Variants in CNMD observed in about 807,000 individuals in gnomAD.
CNMD encodes the protein chondromodulin, also known as leukocyte cell-derived chemotaxin 1.
In CNMD, 30 loss-of-function variants were observed where a neutral mutation model predicts 37.5. The ratio of observed to expected loss-of-function variants is 0.80; its 90% CI spans 0.60 to 1.09. CNMD has a LOEUF of 1.09. Ranked by LOEUF, CNMD falls within the 50% of genes least tolerant of loss-of-function variation. CNMD has a pLI of 0.00. For missense variants in CNMD, 398 were observed against 423.9 expected (o/e 0.94, Z 0.54); for synonymous variants, 167 against 148.2 (o/e 1.13, Z -0.92).
chr13:52,726,383 G>T (rs968995940), intron 3 of CNMD, among the ~76,000 whole-genome samples: 1 of 152,040 alleles, frequency 6.6e-6, no homozygotes, highest in African/African-American at 2.4e-5. Flanking sequence ...TTTATCAGTG[G>T]TTCACAAACC....
chr13:52,712,439 A>G (rs935966726), intron 5 of CNMD, among the ~76,000 whole-genome samples: 5 of 152,190 alleles, frequency 3.3e-5, no homozygotes, highest in Non-Finnish European at 7.3e-5. Context: ...AGTGGAAAGA[A>G]GTGGGAGTGT....
intron 3 of CNMD, among the ~76,000 whole-genome samples, chr13:52,728,444 C>T (rs1023925464): frequency 6.6e-6 from 1 of 152,088 alleles, no homozygotes; most frequent in African/African-American, 2.4e-5. Flanking sequence ...CCCCCAGTTT[C>T]CCATTCAGTA....
intron 4 of CNMD, among the ~76,000 whole-genome samples, chr13:52,714,354 T>G (rs1964335896): frequency 2.6e-5 from 4 of 152,118 alleles, no homozygotes. Flanking sequence ...CTAAGGGTAG[T>G]TTTCTGTTAC....
chr13:52,726,192 A>G (rs1434855442), intron 3 of CNMD, among the ~76,000 whole-genome samples: 1 of 152,186 alleles, frequency 6.6e-6, no homozygotes, highest in Non-Finnish European at 1.5e-5. Flanking sequence ...GTCCCTTCCC[A>G]GAGATTCCCA....
At chr13:52,706,449 G>A (rs1467704608) in intron 6 of CNMD, among the ~76,000 whole-genome samples, 1 of 152,168 alleles carries the variant, frequency 6.6e-6, no homozygotes, top group African/African-American at 2.4e-5. Flanking sequence ...CAAGCCCTGT[G>A]CTAAAAGAGC....
At chr13:52,719,249 C>T (rs1331842564) in intron 4 of CNMD, among the ~76,000 whole-genome samples, 2 of 152,192 alleles carry the variant, frequency 1.3e-5, no homozygotes, top group South Asian at 2.1e-4. Flanking sequence ...CTCCTGAATA[C>T]AGCACACCGA....
chr13:52,713,652 G>A (rs1312163951), intron 4 of CNMD, among the ~76,000 whole-genome samples: 2 of 152,190 alleles, frequency 1.3e-5, no homozygotes, highest in Admixed American at 6.5e-5. Flanking sequence ...AAAGTTATTG[G>A]AGGAAGCTAA....
At chr13:52,736,401 T>A (rs1964764933) in intron 2 of CNMD, among the ~76,000 whole-genome samples, 1 of 152,062 alleles carries the variant, frequency 6.6e-6, no homozygotes, top group Non-Finnish European at 1.5e-5. Flanking sequence ...AGTGCTGGGA[T>A]TACAGACGTG....
rs748528564 is a variant in CNMD at position 52,723,095 on chromosome 13, G to GTTT, written c.468+899_468+901dup. On this transcript the variant is annotated intron_variant, in intron 4 of 6. Coordinates refer to ENST00000377962, the MANE Select transcript of CNMD (RefSeq NM_007015.3). ...GTCTTTATTGTGGAGTCTCTTTCGG[G>GTTT]TTTTTTTATTTTTTGAGATAGAGTC... Among the ~76,000 whole-genome samples the GTTT allele has an allele frequency of 2.1e-3, 319 of 151,874 alleles. 1 individual carries two copies. Among genetic ancestry groups the GTTT allele is most frequent in the African/African-American group, 5.9e-3 (243 of 41,426 alleles).
At chr13:52,721,150 C>G (rs1244679988) in intron 4 of CNMD, among the ~76,000 whole-genome samples, 4 of 152,132 alleles carry the variant, frequency 2.6e-5, no homozygotes, top group East Asian at 3.9e-4. Flanking sequence ...GCCCCTCCCC[C>G]CACCAAGCTC....
At chr13:52,707,922 A>G (rs1203607104) in intron 6 of CNMD, among the ~76,000 whole-genome samples, 1 of 151,898 alleles carries the variant, frequency 6.6e-6, no homozygotes, top group Non-Finnish European at 1.5e-5. Flanking sequence ...AGCCTGCCCA[A>G]CATGGTGAAA....
intron 5 of CNMD, among the ~76,000 whole-genome samples, chr13:52,709,663 C>T (rs1017196721): frequency 6.6e-6 from 1 of 152,134 alleles, no homozygotes; most frequent in Non-Finnish European, 1.5e-5. Flanking sequence ...TGCAGCAGGG[C>T]TGATGGCTGC....
At chr13:52,710,386 T>A (rs530507793) in intron 5 of CNMD, among the ~76,000 whole-genome samples, 2 of 152,314 alleles carry the variant, frequency 1.3e-5, no homozygotes, top group East Asian at 3.9e-4. Flanking sequence ...TGGCAAAGAT[T>A]AAATGAGGAC....
At chr13:52,716,298 T>A (rs1377247599) in intron 4 of CNMD, among the ~76,000 whole-genome samples, 1 of 152,244 alleles carries the variant, frequency 6.6e-6, no homozygotes, top group Non-Finnish European at 1.5e-5. Context: ...TTCTGTAGAT[T>A]GCCTCTTCAC....
chr13:52,726,147 T>A lies in CNMD; in HGVS notation c.355-2037A>T, dbSNP rs116398637. Among the ~76,000 whole-genome samples the A allele has an allele frequency of 1.8e-3, 277 of 152,320 alleles. 2 individuals are homozygous for A. The highest frequency in any genetic ancestry group is 6.2e-3 in the African/African-American group (259 of 41,582). The stretch of plus-strand genomic sequence containing the variant: ...GGCTTGGCTCTTAACTGCACCTGAA[T>A]TCACTGTAGAGGGTTTAAGAACACA... On this transcript the variant is annotated intron_variant, in intron 3 of 6. Transcript: ENST00000377962.
chr13:52,711,711 A>C (rs1257057663), intron 5 of CNMD, among the ~76,000 whole-genome samples: 1 of 152,208 alleles, frequency 6.6e-6, no homozygotes, highest in Non-Finnish European at 1.5e-5. Flanking sequence ...ATTTTTAAAA[A>C]TTGTAAAATA....
Position 52,739,217 on chromosome 13 carries a change from C to A in CNMD, c.73-46G>T, listed in dbSNP as rs375353123. ...GGGACCGTCGCGTTTGTGCCGCCAG[C>A]ACCTGCGGCCCCCAGCGCACCCGGG... On this transcript the variant is annotated intron_variant, in intron 1 of 6. Transcript: ENST00000377962. This position sits in a 1 kb window ranked among gnomAD's most constrained non-coding sequence, Gnocchi z 5.4. 2.8e-6 allele frequency: 4 copies of A among 1,433,558 alleles called. No homozygotes were observed. In the African/African-American group the frequency reaches 6.0e-5, roughly 21 times the overall value. The allele number at this position is 1,433,558 out of a possible 1,614,324, so 88.8% of individuals were successfully genotyped here.
chr13:52,725,516 G>A (rs576380934), intron 3 of CNMD, among the ~76,000 whole-genome samples: 1 of 152,178 alleles, frequency 6.6e-6, no homozygotes, highest in Admixed American at 6.5e-5. Context: ...CAGCCACAAA[G>A]CTCCAGTCTT....
chr13:52,727,259 A>G lies in CNMD; in HGVS notation c.355-3149T>C, dbSNP rs191682090. Among the ~76,000 whole-genome samples, 534 of 152,178 alleles carry G rather than the reference A, an allele frequency of 3.5e-3. 4 individuals are homozygous for G. The highest frequency in any genetic ancestry group is 0.01 in the Middle Eastern group (3 of 294). ...ACTTCAGCCTGGGTGACAGAGCCAG[A>G]CTCCGTCTCAAATAAAAAAAAATGA... On this transcript the variant is annotated intron_variant, in intron 3 of 6. Transcript: ENST00000377962.
Sources: allele counts gnomAD v4.1 joint callset (sites outside exome capture counted in the v4.1 genomes callset), GRCh38; gene constraint gnomAD v4.1.1; non-coding constraint Gnocchi (gnomAD v3.1); transcripts MANE v1.5; gene names NCBI Gene and HGNC (gene_info 2026-07-23, HGNC 2026-07-21).